The following CAPRIN1 variants were observed in gnomAD, a reference collection of about 807,000 sequenced individuals.
The protein encoded by CAPRIN1 is cell cycle associated protein 1.
In CAPRIN1, 29 loss-of-function variants were observed where a neutral mutation model predicts 100.9. That is an observed-to-expected ratio of 0.29 (90% CI 0.21 to 0.39). The LOEUF is 0.39. Ranked by LOEUF, CAPRIN1 falls within the 10% of genes least tolerant of loss-of-function variation. The pLI is 1.00. For synonymous variants in CAPRIN1, 338 were observed against 307.5 expected, an observed-to-expected ratio of 1.10 and a Z score of -1.04; for missense variants, 795 against 876.7, an observed-to-expected ratio of 0.91 and a Z score of 1.18.
chr11:34,081,076 T>C (rs190160785), intron 7 of CAPRIN1, among the ~76,000 whole-genome samples: 78 of 152,304 alleles, frequency 5.1e-4, no homozygotes, highest in Admixed American at 1.4e-3. Flanking sequence ...CTAAAGTAAT[T>C]CTGGAATAAA....
Position 34,090,175 on chromosome 11 carries a change from C to G in CAPRIN1, c.1294-4C>G. 6.3e-7 allele frequency: 1 copy of G among 1,583,428 alleles called. No individual in the cohort carries two copies. The highest frequency in any genetic ancestry group is 1.1e-5 in the South Asian group (1 of 89,692). On this transcript the variant is annotated splice_region_variant and splice_polypyrimidine_tract_variant and intron_variant, in intron 12 of 18. Coordinates refer to ENST00000341394, the MANE Select transcript of CAPRIN1 (RefSeq NM_005898.5). ...GAAGCTTTTATTTCTTTACTTATGTCTAGGTTCCTTTGGTATCATCCACAA... is the reference window on the plus strand; with the variant it reads ...GAAGCTTTTATTTCTTTACTTATGTGTAGGTTCCTTTGGTATCATCCACAA...
At chr11:34,090,920 C>T (rs972183450) in intron 14 of CAPRIN1, among the ~76,000 whole-genome samples, 9 of 151,880 alleles carry the variant, frequency 5.9e-5, no homozygotes, top group African/African-American at 1.9e-4. Context: ...GTAGTTTTAC[C>T]CTTTTGATTT....
chr11:34,077,517 A>T (rs1590734214), intron 6 of CAPRIN1, among the ~76,000 whole-genome samples: 1 of 152,264 alleles, frequency 6.6e-6, no homozygotes, highest in Admixed American at 6.5e-5. Flanking sequence ...TGATTTTTTT[A>T]AAAAGGGACA....
chr11:34,101,141 A>G lies in CAPRIN1; in HGVS notation c.*1774A>G, dbSNP rs1851448436. The G allele has an allele frequency of 6.6e-6, 1 of 152,606 alleles. No individual in the cohort carries two copies. The highest frequency in any genetic ancestry group is 2.4e-5 in the African/African-American group (1 of 41,458). 9.5% of individuals were successfully genotyped at this position (152,606 alleles called of 1,614,324 possible). ...AATGTTTATTTTAAAATAAAATAAA[A>G]TAAGTTCTTGACTTTTCTCATGTGT... On this transcript the variant is annotated 3_prime_UTR_variant, in exon 19 of 19. Transcript: ENST00000341394.
intron 18 of CAPRIN1, chr11:34,098,374 A>C: frequency 1.0e-6 from 1 of 985,218 alleles, no homozygotes; most frequent in Non-Finnish European, 1.2e-6. Context: ...AGGTTTAGAG[A>C]GTTTTTTGTT....
intron 9 of CAPRIN1, among the ~76,000 whole-genome samples, chr11:34,083,810 G>T (rs1290906806): frequency 6.6e-6 from 1 of 152,152 alleles, no homozygotes; most frequent in East Asian, 1.9e-4. Context: ...GTTCATGCCT[G>T]TAACCCCAGC....
At position 34,071,872 on chromosome 11, in the gene CAPRIN1, A is replaced by G. The variant is rs764222700; in HGVS notation, c.280-29A>G. The G allele has an allele frequency of 3.1e-6, 5 of 1,599,542 alleles. No individual in the cohort carries two copies. The African/African-American group carries it at 5.4e-5, about 17-fold the overall frequency. On this transcript the variant is annotated intron_variant, in intron 3 of 18. Coordinates refer to ENST00000341394, the MANE Select transcript of CAPRIN1 (RefSeq NM_005898.5). ...TAATTCTGTGGTTTTTTGTCTTTCC[A>G]GTAAAGTTTGGGTTCTTTGTCATTT...
rs1243098952 is a variant in CAPRIN1, at chr11:34,102,185, G to A, written c.*2818G>A. The stretch of plus-strand genomic sequence containing the variant: ...TCCACTTAAAGGAGACATAGAATGT[G>A]TGCTTATTCTCAGAAGGTTCATTAA... On this transcript the variant is annotated 3_prime_UTR_variant, in exon 19 of 19. Coordinates refer to ENST00000341394, the MANE Select transcript of CAPRIN1 (RefSeq NM_005898.5). Among the ~76,000 whole-genome samples, 1 of 152,112 alleles carries A rather than the reference G, an allele frequency of 6.6e-6. No homozygotes were observed. The highest frequency in any genetic ancestry group is 2.4e-5 in the African/African-American group (1 of 41,414).
chr11:34,091,721 G>T (rs1851269029), intron 14 of CAPRIN1, 185 bp from the exon 15 acceptor site: 2 of 575,626 alleles, frequency 3.5e-6, no homozygotes, highest in East Asian at 5.9e-5. Flanking sequence ...GTACTATATG[G>T]TATATATGTC....
chr11:34,066,347 T>A (rs11605751), intron 2 of CAPRIN1, among the ~76,000 whole-genome samples: 1,880 of 152,052 alleles, frequency 0.012, 13 homozygotes, highest in Middle Eastern at 0.024. Flanking sequence ...TTATTTATTT[T>A]TTTTGAGACA....
intron 2 of CAPRIN1, among the ~76,000 whole-genome samples, chr11:34,066,755 A>G (rs558308265): frequency 6.6e-6 from 1 of 151,064 alleles, no homozygotes; most frequent in Non-Finnish European, 1.5e-5. Context: ...CCTCCCGAGT[A>G]GCTGGGACTA....
At chr11:34,052,259 G>T (rs1250257302) in intron 1 of CAPRIN1, 162 bp from the exon 2 acceptor site, 6 of 516,166 alleles carry the variant, frequency 1.2e-5, no homozygotes, top group African/African-American at 8.3e-5. Flanking sequence ...GCGCGCCCGC[G>T]CACTCTTCCT....
intron 2 of CAPRIN1, among the ~76,000 whole-genome samples, chr11:34,057,864 G>A (rs1478379681): frequency 6.6e-5 from 10 of 151,792 alleles, no homozygotes; most frequent in Non-Finnish European, 1.2e-4. Flanking sequence ...GATTACAGGC[G>A]CCCGCCACCA....
At chr11:34,053,088 T>C in intron 2 of CAPRIN1, 1 of 1,023,388 alleles carries the variant, frequency 9.8e-7, no homozygotes, top group Non-Finnish European at 1.2e-6. Context: ...GCCTGCGTCC[T>C]GCAGCCTTGG....
Position 34,097,654 on chromosome 11 carries a change from T to G in CAPRIN1, c.2002-44T>G, listed in dbSNP as rs762884418. On this transcript the variant is annotated intron_variant, in intron 17 of 18. Transcript: ENST00000341394. ...ACTGAAAGAATAGATGGGTAAGCAT[T>G]TTTTAAAAAGTACCTTTTCAATACT... The G allele has an allele frequency of 2.5e-6, 4 of 1,612,534 alleles. No individual in the cohort carries two copies. In the East Asian group the frequency reaches 8.9e-5, roughly 36 times the overall value.
At chr11:34,079,905 G>GTTT (rs377455073) in intron 7 of CAPRIN1, 140 bp downstream of exon 7, 5 of 316,650 alleles carry the variant, frequency 1.6e-5, no homozygotes, top group African/African-American at 1.5e-4. Flanking sequence ...GCATGACAAA[G>GTTT]TTTTTTTTTT....
intron 2 of CAPRIN1, among the ~76,000 whole-genome samples, chr11:34,071,262 T>C (rs1416007358): frequency 6.6e-6 from 1 of 152,234 alleles, no homozygotes; most frequent in Admixed American, 6.5e-5. Flanking sequence ...GGAGTATATC[T>C]AAAAAGTTTT....
At position 34,079,642 on chromosome 11, in the gene CAPRIN1, G is replaced by A; in HGVS notation, c.703G>A (p.Glu235Lys). ...CTTTTTCTTAGATAAAGTTCTAAAG[G>A]AAATTGTTGAGCGTGTTTTTCAGTC... Reference protein sequence around the residue: ...VCGTTYKVLKEIVERVFQSNY... With the variant: ...VCGTTYKVLKKIVERVFQSNY... Residue 235 changes from glutamate to lysine, a missense_variant, in exon 7 of 19, where the codon GAA (glutamate) becomes AAA (lysine). Glu to Lys is a moderately conservative substitution (Grantham distance 56). Around this residue, in one of 3 missense-constraint regions of CAPRIN1, gnomAD observed 648 missense variants for 697.9 expected, o/e 0.93. Transcript: ENST00000341394. The A allele has an allele frequency of 2.5e-6, 4 of 1,613,736 alleles. No individual in the cohort carries two copies. The highest frequency in any genetic ancestry group is 2.5e-6 in the Non-Finnish European group (3 of 1,179,774).
rs751085037 is a variant in CAPRIN1, at chr11:34,086,216, A to G, written c.1119A>G (p.Ile373Met). ...MAQMQGPYNFIQDSMLDFENQ... is the reference protein window; with the variant it reads ...MAQMQGPYNFMQDSMLDFENQ... ...AAATGCAGGGTCCCTATAATTTCAT[A>G]CAGGTATGTTCATTTTAGTCAGACT... The change falls in exon 10 of 19, where the codon ATA becomes ATG. Residue 373 changes from isoleucine to methionine, a missense_variant. Ile to Met is a conservative substitution (Grantham distance 10). This residue lies in a region of CAPRIN1 where 648 missense variants were observed against 697.9 expected (regional missense o/e 0.93). Coordinates refer to ENST00000341394, the MANE Select transcript of CAPRIN1 (RefSeq NM_005898.5). The G allele has an allele frequency of 3.1e-6, 5 of 1,613,742 alleles. No homozygotes were observed. In the East Asian group the frequency reaches 1.1e-4, roughly 36 times the overall value.
Sources: gnomAD v4.1 joint callset for allele counts (sites outside exome capture counted in the v4.1 genomes callset) on GRCh38, gnomAD v4.1.1 for gene constraint, gnomAD v4.1.1 regional missense constraint, MANE v1.5 for transcripts, NCBI Gene and HGNC (gene_info 2026-07-23, HGNC 2026-07-21) for gene names.